Variants in MOB2 observed in about 807,000 individuals in gnomAD.
MOB2 encodes the protein MOB kinase activator 2, also known as MOB2 Mps One Binder homolog.
In MOB2, 14 loss-of-function variants were observed where a neutral mutation model predicts 27.4. The ratio of observed to expected loss-of-function variants is 0.51; its 90% CI spans 0.34 to 0.80. The LOEUF is 0.80. Ranked by LOEUF, MOB2 falls within the 30% of genes least tolerant of loss-of-function variation. The probability of loss-of-function intolerance (pLI) is 0.01; values close to 1 mark genes in which losing one functional copy is unlikely to be tolerated. For synonymous variants in MOB2, 167 were observed against 151.8 expected, an observed-to-expected ratio of 1.10 and a Z score of -0.74; for missense variants, 304 against 354.6, an observed-to-expected ratio of 0.86 and a Z score of 1.15.
chr11:1,471,262 G>C, intron 4 of MOB2, 33 bp downstream of exon 4: 1 of 1,596,380 alleles, frequency 6.3e-7, no homozygotes, highest in African/African-American at 1.3e-5. Context: ...GCCCCACTGT[G>C]AGGATGACCG....
intron 1 of MOB2, among the ~76,000 whole-genome samples, chr11:1,483,084 A>G (rs1590767804): frequency 6.6e-6 from 1 of 152,114 alleles, no homozygotes; most frequent in South Asian, 2.1e-4. Context: ...TGGAGAAAAC[A>G]CCTCTGCGGC....
At chr11:1,483,809 G>A (rs1454824322) in intron 1 of MOB2, among the ~76,000 whole-genome samples, 2 of 152,376 alleles carry the variant, frequency 1.3e-5, no homozygotes, top group Non-Finnish European at 1.5e-5. Context: ...ACTGGGAAGT[G>A]AGGCAATCCC....
At chr11:1,473,834 C>G (rs1656409246) in intron 3 of MOB2, among the ~76,000 whole-genome samples, 1 of 152,254 alleles carries the variant, frequency 6.6e-6, no homozygotes, top group African/African-American at 2.4e-5. Context: ...GCCCCTCACA[C>G]CCGTGCTGCT....
At chr11:1,482,019 C>G (rs1302624566) in intron 1 of MOB2, among the ~76,000 whole-genome samples, 1 of 152,202 alleles carries the variant, frequency 6.6e-6, no homozygotes, top group Non-Finnish European at 1.5e-5. Flanking sequence ...GCGTGTCCAC[C>G]ACAGGGAAGG....
rs766205043 is a variant in MOB2 at position 1,470,427 on chromosome 11, G to A, written c.552C>T (p.His184=). Residue 184 remains histidine, a synonymous_variant, in exon 5 of 5, where the codon CAC becomes CAT. Coordinates refer to ENST00000329957, the MANE Select transcript of MOB2 (RefSeq NM_001172223.3). ...LVRKICRHLF[H]VLAHIYWAHF... is the part of the protein sequence containing the mutation. The stretch of plus-strand genomic sequence containing the variant: ...GGGCCCAGTAGATGTGTGCCAGCAC[G>A]TGGAACAGGTGTCTGCAGATCTTCC... The A allele has an allele frequency of 6.4e-5, 104 of 1,613,552 alleles. No homozygotes were observed. Among genetic ancestry groups the A allele is most frequent in the African/African-American group, 5.3e-5 (4 of 74,952 alleles).
chr11:1,480,316 G>C, intron 3 of MOB2, 77 bp downstream of exon 3: 2 of 1,355,010 alleles, frequency 1.5e-6, no homozygotes. Flanking sequence ...TGAGAGGACA[G>C]GAGCCTGGGG....
chr11:1,486,511 C>T lies in MOB2; in HGVS notation c.46G>A (p.Gly16Ser), dbSNP rs536485306. 5.9e-6 allele frequency: 9 copies of T among 1,534,570 alleles called. No individual in the cohort carries two copies. The Admixed American group carries it at 5.9e-5, about 10-fold the overall frequency. ...CSLPEDQARP[G>S]QSLQSGLCCK... Reference sequence around the variant, plus strand: ...CAGAGTCCACTTTGCAGGGACTGGCCGGGCCGGGCTTGGTCTTCAGGGAGA... The same window carrying T: ...CAGAGTCCACTTTGCAGGGACTGGCTGGGCCGGGCTTGGTCTTCAGGGAGA... The change falls in exon 1 of 5, where the codon GGC (glycine) becomes AGC (serine). Residue 16 changes from glycine to serine, a missense_variant. Physicochemically the swap from Gly to Ser is moderately conservative, Grantham distance 56 (BLOSUM62 0). Coordinates refer to ENST00000329957, the MANE Select transcript of MOB2 (RefSeq NM_001172223.3).
At position 1,470,218 on chromosome 11, in the gene MOB2, G is replaced by A. The variant is rs1460985928; in HGVS notation, c.761C>T (p.Ala254Val). 1 of 1,612,024 alleles carries A rather than the reference G, an allele frequency of 6.2e-7. No homozygotes were observed. The highest frequency in any genetic ancestry group is 8.5e-7 in the Non-Finnish European group (1 of 1,179,682). Residue 254 changes from alanine (A) to valine (V), a missense_variant, in exon 5 of 5, where the codon GCC (alanine) becomes GTC (valine). Coordinates refer to ENST00000329957, the MANE Select transcript of MOB2 (RefSeq NM_001172223.3). ...GVHSGGSGDG[A>V]GSGGPGAQNH... ...CTGTGCTCCCGGGCCCCCGCTGCCG[G>A]CCCCATCCCCACTGCCCCCACTGTG...
intron 1 of MOB2, chr11:1,481,118 G>A (rs1024044538): frequency 1.4e-5 from 9 of 653,554 alleles, no homozygotes; most frequent in African/African-American, 8.9e-5. Context: ...AAGGGCTGGC[G>A]CTCCCACTTG....
intron 1 of MOB2, among the ~76,000 whole-genome samples, chr11:1,484,723 G>A (rs898011703): frequency 1.2e-4 from 18 of 152,038 alleles, no homozygotes; most frequent in African/African-American, 3.1e-4. Flanking sequence ...TTCTAACACC[G>A]TGTTCTAACC....
chr11:1,480,641 C>T, intron 2 of MOB2, 84 bp downstream of exon 2: 1 of 1,544,734 alleles, frequency 6.5e-7, no homozygotes, highest in Non-Finnish European at 8.8e-7. Flanking sequence ...CTGCTGAGCA[C>T]CAGCCGTGGG....
rs756853678 is a variant in MOB2, at chr11:1,470,164, C to T, written c.*8G>A. On this transcript the variant is annotated 3_prime_UTR_variant, in exon 5 of 5. Transcript: ENST00000329957. ...TGCACACGTGTGCCCCTGTCCGGCC[C>T]GGGGGGCTCATCTCTCCTTCACGTG... 95 of 1,587,178 alleles carry T rather than the reference C, an allele frequency of 6.0e-5. No homozygotes were observed. The highest frequency in any genetic ancestry group is 4.3e-5 in the Non-Finnish European group (50 of 1,167,420).
At chr11:1,474,885 T>C (rs895571480) in intron 3 of MOB2, among the ~76,000 whole-genome samples, 2 of 152,270 alleles carry the variant, frequency 1.3e-5, no homozygotes, top group South Asian at 4.1e-4. Context: ...GAGATTCCTC[T>C]TATTTTTTCA....
intron 3 of MOB2, among the ~76,000 whole-genome samples, chr11:1,475,494 G>A (rs1177791212): frequency 1.3e-5 from 2 of 152,204 alleles, no homozygotes; most frequent in Non-Finnish European, 2.9e-5. Flanking sequence ...CTGAGATAGG[G>A]TCTCGCTGTG....
At position 1,486,440 on chromosome 11, in the gene MOB2, G is replaced by T; in HGVS notation, c.110+7C>A. The T allele has an allele frequency of 2.0e-6, 3 of 1,532,320 alleles. No homozygotes were observed. The highest frequency in any genetic ancestry group is 2.6e-6 in the Non-Finnish European group (3 of 1,143,622). 94.9% of individuals were successfully genotyped at this position (1,532,320 alleles called of 1,614,324 possible). On this transcript the variant is annotated splice_region_variant and intron_variant, in intron 1 of 4. Transcript: ENST00000329957. ...ACCCCTCCCCCAGCCAGGCTGGCAG[G>T]TGTTACCTGAGCACTTTGCTGACAG...
chr11:1,478,836 C>T (rs1045138578), intron 3 of MOB2, among the ~76,000 whole-genome samples: 12 of 152,146 alleles, frequency 7.9e-5, no homozygotes, highest in Admixed American at 6.5e-4. Flanking sequence ...GGAGGAGACG[C>T]GCCTCAATCC....
At chr11:1,474,144 T>C (rs558104819) in intron 3 of MOB2, among the ~76,000 whole-genome samples, 187 of 152,380 alleles carry the variant, frequency 1.2e-3, no homozygotes, top group Non-Finnish European at 2.2e-3. Context: ...GGTCTGCCCA[T>C]GGTTTCGGCT....
At chr11:1,481,361 T>A (rs1847911846) in intron 1 of MOB2, 1 of 212,284 alleles carries the variant, frequency 4.7e-6, no homozygotes, top group Non-Finnish European at 9.9e-6. Context: ...GCAGGGCACC[T>A]GCCTTCCTGG....
Position 1,486,754 on chromosome 11 carries a change from T to G in MOB2, c.-198A>C. 1 of 534,566 alleles carries G rather than the reference T, an allele frequency of 1.9e-6. No individual in the cohort carries two copies. The highest frequency in any genetic ancestry group is 3.4e-6 in the Non-Finnish European group (1 of 296,580). 33.1% of individuals were successfully genotyped at this position (534,566 alleles called of 1,614,324 possible). A position where few individuals can be genotyped will look rare whatever the true frequency, so the allele number is the denominator to read the frequency against. ...CGAGGGAGCGTCTGAATTGGCCTTTTCCAAGTGGCATGGCTGCCAGAAGAG... is the reference window on the plus strand; with the variant it reads ...CGAGGGAGCGTCTGAATTGGCCTTTGCCAAGTGGCATGGCTGCCAGAAGAG... On this transcript the variant is annotated 5_prime_UTR_variant, in exon 1 of 5. Coordinates refer to ENST00000329957, the MANE Select transcript of MOB2 (RefSeq NM_001172223.3).
Sources: allele counts gnomAD v4.1 joint callset (sites outside exome capture counted in the v4.1 genomes callset), GRCh38; gene constraint gnomAD v4.1.1; transcripts MANE v1.5; gene names NCBI Gene and HGNC (gene_info 2026-07-23, HGNC 2026-07-21).